Variants in AMBRA1 observed in about 807,000 individuals in gnomAD.
The protein encoded by AMBRA1 is activating molecule in BECN1-regulated autophagy protein 1.
Under a neutral mutation model 125.4 loss-of-function variants are expected in AMBRA1, and 47 were observed. The observed-to-expected ratio is 0.37, with a 90% confidence interval of 0.30 to 0.48. AMBRA1 has a LOEUF of 0.48. AMBRA1 is among the 20% of genes least tolerant of loss of function. The pLI is 0.99. For missense variants in AMBRA1, 1,331 were observed against 1,693.4 expected (o/e 0.79, Z 3.76); for synonymous variants, 626 against 655.5 (o/e 0.95, Z 0.69).
chr11:46,404,678 A>G (rs1274566634), intron 17 of AMBRA1, among the ~76,000 whole-genome samples: 1 of 152,210 alleles, frequency 6.6e-6, no homozygotes, highest in South Asian at 2.1e-4. Context: ...CCAGAGCCTC[A>G]GCTTAGCTGG....
chr11:46,434,534 A>C (rs950419906), intron 13 of AMBRA1, among the ~76,000 whole-genome samples: 21 of 152,246 alleles, frequency 1.4e-4, no homozygotes, highest in African/African-American at 4.8e-4. Context: ...TGGATTGCCA[A>C]AGAGCTGACA....
Position 46,593,954 on chromosome 11 carries a change from C to G in AMBRA1, c.-247G>C, listed in dbSNP as rs2044697302. On this transcript the variant is annotated 5_prime_UTR_variant, in exon 1 of 18. Transcript: ENST00000683756. The stretch of plus-strand genomic sequence containing the variant: ...GACCGGCAGGAGAAGGCGGCTTGAG[C>G]GCGGGGCCTCGCGGACAACTCAGCC... The G allele has an allele frequency of 1.8e-5, 7 of 398,536 alleles. No individual in the cohort carries two copies. Among genetic ancestry groups the G allele is most frequent in the Non-Finnish European group, 2.7e-5 (6 of 226,094 alleles). The allele number at this position is 398,536 out of a possible 1,614,324, so 24.7% of individuals were successfully genotyped here.
chr11:46,579,074 ATGAACTTT>A, intron 1 of AMBRA1, among the ~76,000 whole-genome samples: 1 of 151,054 alleles, frequency 6.6e-6, no homozygotes, highest in African/African-American at 2.4e-5. Context: ...AAGATAAGGA[ATGAACTTT>A]AAAAGCCAGT....
intron 1 of AMBRA1, among the ~76,000 whole-genome samples, chr11:46,589,990 A>G (rs145411370): frequency 8.9e-4 from 136 of 152,288 alleles, no homozygotes; most frequent in African/African-American, 3.1e-3. Flanking sequence ...TGGATTTGAT[A>G]TTAATAAGCA....
intron 1 of AMBRA1, among the ~76,000 whole-genome samples, chr11:46,553,660 G>A (rs2043082012): frequency 1.3e-5 from 2 of 151,914 alleles, no homozygotes; most frequent in African/African-American, 2.4e-5. Flanking sequence ...TGGGAGAATC[G>A]CTTGGACCTG....
chr11:46,460,370 G>GT (rs1183340362), intron 11 of AMBRA1, among the ~76,000 whole-genome samples: 2 of 149,046 alleles, frequency 1.3e-5, no homozygotes, highest in African/African-American at 4.9e-5. Context: ...TGCCCAGGCT[G>GT]GAGCACAGTG....
At chr11:46,512,938 G>T in intron 7 of AMBRA1, 125 bp from the exon 8 acceptor site, 1 of 766,896 alleles carries the variant, frequency 1.3e-6, no homozygotes, top group Non-Finnish European at 2.0e-6. Context: ...CCTGTTATCT[G>T]GGATCACACC....
At chr11:46,503,661 AC>A (rs1219610757) in intron 9 of AMBRA1, among the ~76,000 whole-genome samples, 1 of 152,230 alleles carries the variant, frequency 6.6e-6, no homozygotes, top group Non-Finnish European at 1.5e-5. Flanking sequence ...GTATTTGGTC[AC>A]AATGTGGACT....
intron 12 of AMBRA1, among the ~76,000 whole-genome samples, chr11:46,437,007 A>G (rs1947751453): frequency 6.6e-6 from 1 of 152,232 alleles, no homozygotes; most frequent in South Asian, 2.1e-4. Context: ...TTATTAAAGT[A>G]GACTTTCCTA....
intron 11 of AMBRA1, among the ~76,000 whole-genome samples, chr11:46,450,401 T>G (rs1174471948): frequency 2.0e-5 from 3 of 152,008 alleles, no homozygotes; most frequent in Non-Finnish European, 2.9e-5. Context: ...GGGGTTGGTT[T>G]GCAGGGAGGC....
chr11:46,469,942 T>A (rs1949508853), intron 11 of AMBRA1, among the ~76,000 whole-genome samples: 1 of 151,810 alleles, frequency 6.6e-6, no homozygotes, highest in Non-Finnish European at 1.5e-5. Context: ...CTTCCCCAAG[T>A]GCTGGCATTA....
chr11:46,549,552 G>A (rs976691737), intron 1 of AMBRA1, among the ~76,000 whole-genome samples: 1 of 151,946 alleles, frequency 6.6e-6, no homozygotes, highest in Non-Finnish European at 1.5e-5. Context: ...AATTCATTAT[G>A]CAACTCCTAG....
chr11:46,420,018 A>ACACACACACACACACACACACACACACT (rs1418092325), intron 14 of AMBRA1, among the ~76,000 whole-genome samples: 2 of 151,952 alleles, frequency 1.3e-5, no homozygotes, highest in Non-Finnish European at 2.9e-5. Context: ...ACACACACAC[A>ACACACACACACACACACACACACACACT]CACTCTTCCA....
chr11:46,449,601 C>T (rs1446282384), intron 11 of AMBRA1, among the ~76,000 whole-genome samples: 2 of 152,196 alleles, frequency 1.3e-5, no homozygotes, highest in Non-Finnish European at 2.9e-5. Flanking sequence ...CAATTCTTCT[C>T]AGCTGGATCT....
At chr11:46,506,349 C>CA (rs1460810777) in intron 9 of AMBRA1, among the ~76,000 whole-genome samples, 1 of 152,226 alleles carries the variant, frequency 6.6e-6, no homozygotes, top group Non-Finnish European at 1.5e-5. Flanking sequence ...CTTTCTCAGA[C>CA]AAATAAACCT....
Position 46,544,059 on chromosome 11 carries a change from A to G in AMBRA1, c.552-18T>C, listed in dbSNP as rs747010844. On this transcript the variant is annotated intron_variant, in intron 5 of 17. Transcript: ENST00000683756. ...TCACCAGACTAAAATCACAGAAGAAAGAGACAAAGACACACATAGAGAGAT... is the reference window on the plus strand; with the variant it reads ...TCACCAGACTAAAATCACAGAAGAAGGAGACAAAGACACACATAGAGAGAT... 27 of 1,602,950 alleles carry G rather than the reference A, an allele frequency of 1.7e-5. 1 individual carries two copies. In the South Asian group the frequency reaches 3.0e-4, roughly 18 times the overall value.
chr11:46,545,455 C>T, intron 5 of AMBRA1, 149 bp downstream of exon 5: 1 of 874,722 alleles, frequency 1.1e-6, no homozygotes, highest in Admixed American at 2.9e-5. Flanking sequence ...GAGTGACACC[C>T]TGTCTCAAAA....
chr11:46,406,359 T>A, intron 17 of AMBRA1, among the ~76,000 whole-genome samples: 3 of 114,356 alleles, frequency 2.6e-5, no homozygotes, highest in East Asian at 3.2e-4. Context: ...CAGCTGAGAC[T>A]CTATCTTTAA....
intron 1 of AMBRA1, among the ~76,000 whole-genome samples, chr11:46,586,985 T>C (rs914514316): frequency 6.6e-6 from 1 of 152,224 alleles, no homozygotes; most frequent in Admixed American, 6.5e-5. Flanking sequence ...TTTCAGATGC[T>C]TCATTATACT....
Sources: allele counts gnomAD v4.1 joint callset (sites outside exome capture counted in the v4.1 genomes callset), GRCh38; gene constraint gnomAD v4.1.1; transcripts MANE v1.5; gene names NCBI Gene and HGNC (gene_info 2026-07-23, HGNC 2026-07-21).